MARCHF1: variants seen among roughly 807,000 people sequenced by gnomAD.
The protein encoded by MARCHF1 is membrane associated ring-CH-type finger 1.
A neutral mutation model predicts 54.2 loss-of-function variants in MARCHF1; 40 were observed. That is an observed-to-expected ratio of 0.74 (90% CI 0.57 to 0.96). The LOEUF is 0.96. MARCHF1 is among the 40% of genes least tolerant of loss of function. The pLI is 0.00. For missense variants in MARCHF1, 586 were observed against 656.5 expected (o/e 0.89, Z 1.17); for synonymous variants, 236 against 236.3 (o/e 1.00, Z 0.01).
chr4:163,722,228 T>C (rs1255713099), intron 4 of MARCHF1, among the ~76,000 whole-genome samples: 2 of 152,036 alleles, frequency 1.3e-5, no homozygotes, highest in African/African-American at 4.8e-5. Context: ...TGGTATGCTG[T>C]GTCTTTGTTC....
At chr4:163,556,621 T>C (rs1354122683) in intron 8 of MARCHF1, among the ~76,000 whole-genome samples, 1 of 151,906 alleles carries the variant, frequency 6.6e-6, no homozygotes, top group African/African-American at 2.4e-5. Context: ...ATATACGATT[T>C]ATATATAAAT....
At chr4:163,706,412 A>G (rs1306529366) in intron 4 of MARCHF1, among the ~76,000 whole-genome samples, 1 of 152,068 alleles carries the variant, frequency 6.6e-6, no homozygotes, top group African/African-American at 2.4e-5. Context: ...TACATTTTTG[A>G]TTTATTTAAT....
rs556135366 is a variant in MARCHF1 at position 164,203,792 on chromosome 4, G to A, written c.-322-92130C>T. Reference sequence around the variant, plus strand: ...CTCTACGGAAAACACCCTCGCTTGAGAGTAGACATCATTGTGAAGTAACCT... The same window carrying A: ...CTCTACGGAAAACACCCTCGCTTGAAAGTAGACATCATTGTGAAGTAACCT... On this transcript the variant is annotated intron_variant, in intron 1 of 9. Transcript: ENST00000514618. Among the ~76,000 whole-genome samples the A allele has an allele frequency of 2.6e-5, 4 of 152,278 alleles. No homozygotes were observed. The South Asian group carries it at 8.3e-4, about 32-fold the overall frequency.
intron 1 of MARCHF1, among the ~76,000 whole-genome samples, chr4:164,371,122 A>C (rs1393603360): frequency 6.6e-6 from 1 of 152,156 alleles, no homozygotes; most frequent in Non-Finnish European, 1.5e-5. Flanking sequence ...AAGAACAGAT[A>C]TAAATATATG....
At chr4:163,582,502 T>A (rs555684120) in intron 8 of MARCHF1, among the ~76,000 whole-genome samples, 1 of 152,342 alleles carries the variant, frequency 6.6e-6, no homozygotes, top group South Asian at 2.1e-4. Context: ...CCCCAAGGTT[T>A]GTCTATGAAG....
At chr4:163,868,039 C>G (rs1004911356) in intron 3 of MARCHF1, among the ~76,000 whole-genome samples, 2 of 151,786 alleles carry the variant, frequency 1.3e-5, no homozygotes, top group African/African-American at 4.8e-5. Context: ...CACCAGAAGG[C>G]CTTTTGCATT....
At chr4:164,070,566 CCAT>C (rs143901171) in intron 2 of MARCHF1, among the ~76,000 whole-genome samples, 2,905 of 152,290 alleles carry the variant, frequency 0.019, 80 homozygotes, top group African/African-American at 0.066. Flanking sequence ...AGCTGTCCCA[CCAT>C]CACATCTGGT....
chr4:164,190,484 C>T lies in MARCHF1; in HGVS notation c.-322-78822G>A, dbSNP rs528753712. The stretch of plus-strand genomic sequence containing the variant: ...ATGCTATAGCCCAAGTGGCTGTTTA[C>T]GGCTTTTCATTAGCAGTTGCTCACA... On this transcript the variant is annotated intron_variant, in intron 1 of 9. Coordinates refer to ENST00000514618, the MANE Select transcript of MARCHF1 (RefSeq NM_001394959.1). 112 of 299,070 alleles carry T rather than the reference C, an allele frequency of 3.7e-4. 1 individual carries two copies. Among genetic ancestry groups the T allele is most frequent in the Admixed American group, 9.0e-4 (18 of 20,070 alleles). 18.5% of individuals were successfully genotyped at this position (299,070 alleles called of 1,614,324 possible). A position where few individuals can be genotyped will look rare whatever the true frequency, so the allele number is the denominator to read the frequency against.
chr4:163,773,744 T>C (rs1024420772), intron 4 of MARCHF1, among the ~76,000 whole-genome samples: 10 of 152,204 alleles, frequency 6.6e-5, no homozygotes, highest in African/African-American at 2.4e-4. Flanking sequence ...TTCTAAGATA[T>C]TCTTAAGAGT....
At chr4:164,257,811 T>C (rs1250282535) in intron 1 of MARCHF1, among the ~76,000 whole-genome samples, 1 of 152,030 alleles carries the variant, frequency 6.6e-6, no homozygotes, top group Non-Finnish European at 1.5e-5. Context: ...CTACTAAAAA[T>C]ACAAAATATT....
chr4:163,999,455 G>A (rs902105310), intron 2 of MARCHF1, among the ~76,000 whole-genome samples: 1 of 151,474 alleles, frequency 6.6e-6, no homozygotes, highest in Non-Finnish European at 1.5e-5. Context: ...CTACTTAAGA[G>A]TATTCAAACA....
chr4:164,075,175 A>G (rs888605559), intron 2 of MARCHF1, among the ~76,000 whole-genome samples: 4 of 152,252 alleles, frequency 2.6e-5, no homozygotes, highest in Non-Finnish European at 5.9e-5. Context: ...AACTATAAAC[A>G]ATAAATTTAA....
chr4:163,934,576 TAA>T (rs551026107), intron 3 of MARCHF1, among the ~76,000 whole-genome samples: 23,670 of 77,806 alleles, frequency 0.3, 2,677 homozygotes, highest in South Asian at 0.39. Context: ...TCTTTTTAAG[TAA>T]AAAAAAAAAA....
intron 1 of MARCHF1, among the ~76,000 whole-genome samples, chr4:164,299,156 T>C (rs1370702431): frequency 6.6e-6 from 1 of 152,176 alleles, no homozygotes; most frequent in East Asian, 1.9e-4. Context: ...CAAGTATTTA[T>C]CAGGTGCCCA....
chr4:164,303,894 C>T (rs753471279), intron 1 of MARCHF1, among the ~76,000 whole-genome samples: 7 of 152,054 alleles, frequency 4.6e-5, no homozygotes, highest in Non-Finnish European at 1.0e-4. Context: ...AAGTTATAGC[C>T]CCTATGGGCA....
intron 2 of MARCHF1, among the ~76,000 whole-genome samples, chr4:164,071,615 T>C (rs143007579): frequency 0.012 from 1,884 of 152,274 alleles, 38 homozygotes; most frequent in African/African-American, 0.043. Context: ...CCCAATTAAT[T>C]CAACTTGTCA....
chr4:164,244,640 A>T (rs1223517773), intron 1 of MARCHF1, among the ~76,000 whole-genome samples: 1 of 150,294 alleles, frequency 6.7e-6, no homozygotes, highest in African/African-American at 2.4e-5. Context: ...AGACACAAAA[A>T]ACCCTTCAAA....
chr4:163,579,065 C>A (rs1046440996), intron 8 of MARCHF1, among the ~76,000 whole-genome samples: 1 of 152,106 alleles, frequency 6.6e-6, no homozygotes, highest in African/African-American at 2.4e-5. Context: ...TCTATAATAC[C>A]AATCTCAGGT....
chr4:163,792,633 T>C lies in MARCHF1; in HGVS notation c.111+61388A>G, dbSNP rs1747802131. Among the ~76,000 whole-genome samples, 3 of 152,202 alleles carry C rather than the reference T, an allele frequency of 2.0e-5. No homozygotes were observed. The South Asian group carries it at 6.2e-4, about 31-fold the overall frequency. On this transcript the variant is annotated intron_variant, in intron 4 of 9. Coordinates refer to ENST00000514618, the MANE Select transcript of MARCHF1 (RefSeq NM_001394959.1). ...GCACATGGTATGCAATTAAAGCATT[T>C]GAATAACTATTTTAACTGAAGAGTA...
Sources: allele counts gnomAD v4.1 joint callset (sites outside exome capture counted in the v4.1 genomes callset), GRCh38; gene constraint gnomAD v4.1.1; transcripts MANE v1.5; gene names NCBI Gene and HGNC (gene_info 2026-07-23, HGNC 2026-07-21).